GPHN: variants seen among roughly 807,000 people sequenced by gnomAD.
The protein encoded by GPHN is gephyrin.
A neutral mutation model predicts 95.5 loss-of-function variants in GPHN; 17 were observed. The ratio of observed to expected loss-of-function variants is 0.18; its 90% CI spans 0.12 to 0.27. The LOEUF (loss-of-function observed/expected upper bound fraction) is 0.27. Ranked by LOEUF, GPHN falls within the 10% of genes least tolerant of loss-of-function variation. The pLI, the probability that GPHN is intolerant of heterozygous loss-of-function variation, is 1.00. For synonymous variants in GPHN, 320 were observed against 322.5 expected, an observed-to-expected ratio of 0.99 and a Z score of 0.08; for missense variants, 660 against 978.1, an observed-to-expected ratio of 0.67 and a Z score of 4.34.
the GPHN span, chr14:67,347,315 C>T: frequency 5.4e-4 from 544 of 1,000,300 alleles, no homozygotes; most frequent in Non-Finnish European, 7.8e-4. Context: ...AGGAACCTCT[C>T]AACATCTAGC....
chr14:67,188,733 T>C, the GPHN span, among the ~76,000 whole-genome samples: 3 of 152,156 alleles, frequency 2.0e-5, no homozygotes, highest in African/African-American at 7.2e-5. Flanking sequence ...GAGCCTAATA[T>C]CATTAAATAT....
chr14:67,691,024 T>C, the GPHN span: 2 of 725,570 alleles, frequency 2.8e-6, no homozygotes, highest in Non-Finnish European at 5.0e-6. Flanking sequence ...TATGCACACA[T>C]GGTCTATTAT....
the GPHN span, chr14:67,353,825 G>C: frequency 1.3e-5 from 2 of 152,274 alleles, no homozygotes; most frequent in Admixed American, 6.6e-5. Flanking sequence ...GTCTTGCTCT[G>C]TCACCCAGGC....
chr14:66,990,769 T>G (rs1322358224), intron 9 of GPHN, among the ~76,000 whole-genome samples: 2 of 152,078 alleles, frequency 1.3e-5, no homozygotes, highest in Non-Finnish European at 2.9e-5. Context: ...AAAATTCAAT[T>G]AAATATTTTA....
the GPHN span, chr14:67,651,371 T>C: frequency 1.2e-6 from 2 of 1,613,482 alleles, no homozygotes; most frequent in Non-Finnish European, 1.7e-6. Flanking sequence ...CCACAAACCC[T>C]TCCCTATAGA....
the GPHN span, among the ~76,000 whole-genome samples, chr14:67,497,654 T>C: frequency 1.3e-5 from 2 of 152,360 alleles, no homozygotes; most frequent in East Asian, 3.9e-4. Context: ...TGCACGATTT[T>C]AACACATGCT....
intron 19 of GPHN, among the ~76,000 whole-genome samples, chr14:67,160,823 T>C (rs1425459300): frequency 6.6e-6 from 1 of 152,214 alleles, no homozygotes; most frequent in Non-Finnish European, 1.5e-5. Context: ...ATGTCAGTTC[T>C]AGGATAGAGA....
chr14:67,149,502 T>C (rs554669660), intron 18 of GPHN, among the ~76,000 whole-genome samples: 5 of 152,340 alleles, frequency 3.3e-5, no homozygotes, highest in Non-Finnish European at 7.4e-5. Context: ...TTAGGGATCC[T>C]TAATGAATTT....
chr14:66,723,686 G>C (rs2070964280), intron 2 of GPHN, among the ~76,000 whole-genome samples: 1 of 152,032 alleles, frequency 6.6e-6, no homozygotes, highest in Admixed American at 6.5e-5. Flanking sequence ...GCATAAGTTT[G>C]TTTGATGAGT....
chr14:67,068,037 G>A (rs117389757), intron 11 of GPHN, among the ~76,000 whole-genome samples: 5,976 of 152,210 alleles, frequency 0.039, 143 homozygotes, highest in Non-Finnish European at 0.054. Flanking sequence ...CTTCTGCGTC[G>A]GTCATGCTGG....
At chr14:67,275,781 T>C in the GPHN span, among the ~76,000 whole-genome samples, 1 of 152,192 alleles carries the variant, frequency 6.6e-6, no homozygotes, top group Non-Finnish European at 1.5e-5. Context: ...GGCTATTAAT[T>C]ATTGCCTCAA....
At chr14:67,640,926 T>A in the GPHN span, among the ~76,000 whole-genome samples, 1 of 152,156 alleles carries the variant, frequency 6.6e-6, no homozygotes, top group Non-Finnish European at 1.5e-5. Context: ...TGTTCCAAAA[T>A]CTGAAACTTT....
the GPHN span, chr14:67,382,710 T>G: frequency 8.9e-7 from 1 of 1,129,268 alleles, no homozygotes; most frequent in Non-Finnish European, 1.3e-6. Context: ...TTCAGGCCTT[T>G]GATCACTAAT....
At chr14:67,067,386 T>C (rs1195538809) in intron 11 of GPHN, among the ~76,000 whole-genome samples, 2 of 152,156 alleles carry the variant, frequency 1.3e-5, no homozygotes, top group Non-Finnish European at 2.9e-5. Flanking sequence ...GGAGATGTCT[T>C]TCAGTTAGGC....
chr14:66,547,385 A>G (rs2059642175), intron 1 of GPHN, among the ~76,000 whole-genome samples: 1 of 152,224 alleles, frequency 6.6e-6, no homozygotes, highest in African/African-American at 2.4e-5. Context: ...TCTATTGATT[A>G]AAATAAGTAA....
intron 3 of GPHN, among the ~76,000 whole-genome samples, chr14:66,814,502 C>T (rs955782954): frequency 2.6e-5 from 4 of 152,170 alleles, no homozygotes; most frequent in African/African-American, 9.7e-5. Flanking sequence ...AATGCAAGTC[C>T]CCCAGAGTTA....
At chr14:66,809,791 C>T (rs1370771125) in intron 3 of GPHN, among the ~76,000 whole-genome samples, 2 of 152,092 alleles carry the variant, frequency 1.3e-5, no homozygotes, top group African/African-American at 4.8e-5. Flanking sequence ...ATAAGAGCAT[C>T]CCAGAGGATT....
intron 18 of GPHN, among the ~76,000 whole-genome samples, chr14:67,156,337 A>G (rs2081586916): frequency 6.6e-6 from 1 of 152,166 alleles, no homozygotes. Context: ...ACATACGTAT[A>G]TGCTTAAAAT....
chr14:67,292,959 T>C, the GPHN span, among the ~76,000 whole-genome samples: 2 of 152,152 alleles, frequency 1.3e-5, no homozygotes, highest in African/African-American at 4.8e-5. Flanking sequence ...TAATCATAAA[T>C]TTGGATAGTA....
Sources: allele counts gnomAD v4.1 joint callset (sites outside exome capture counted in the v4.1 genomes callset), GRCh38; gene constraint gnomAD v4.1.1; transcripts MANE v1.5; gene names NCBI Gene and HGNC (gene_info 2026-07-23, HGNC 2026-07-21).